Variants in LPP observed in about 807,000 individuals in gnomAD.
LPP encodes the protein LIM domain containing preferred translocation partner in lipoma, also known as lipoma-preferred partner.
A neutral mutation model predicts 60.4 loss-of-function variants in LPP; 38 were observed. That is an observed-to-expected ratio of 0.63 (90% CI 0.49 to 0.83). The LOEUF is 0.83. LPP is among the 40% of genes least tolerant of loss of function. The pLI is 0.00. For synonymous variants in LPP, 328 were observed against 290.8 expected, an observed-to-expected ratio of 1.13 and a Z score of -1.30; for missense variants, 902 against 783.6, an observed-to-expected ratio of 1.15 and a Z score of -1.80.
chr3:188,886,737 TACACAC>T lies in LPP; in HGVS notation c.*12281_*12286del, dbSNP rs755287902. ...TCTTCAAAACACACACACACACACA[TACACAC>T]ACACACACACACACACACACACCCC... On this transcript the variant is annotated 3_prime_UTR_variant, in exon 12 of 12. Transcript: ENST00000617246. The T allele has an allele frequency of 2.0e-4, 38 of 190,376 alleles. No individual in the cohort carries two copies. The highest frequency in any genetic ancestry group is 2.8e-4 in the African/African-American group (10 of 35,610). The allele number at this position is 190,376 out of a possible 1,614,324, so 11.8% of individuals were successfully genotyped here. A position where few individuals can be genotyped will look rare whatever the true frequency, so the allele number is the denominator to read the frequency against.
chr3:188,621,689 C>T (rs1054329861), intron 7 of LPP, among the ~76,000 whole-genome samples: 3 of 151,972 alleles, frequency 2.0e-5, no homozygotes, highest in Admixed American at 6.5e-5. Context: ...GAGATGGGGT[C>T]TCATTCTGTC....
chr3:188,498,163 C>T (rs1382022825), intron 5 of LPP, among the ~76,000 whole-genome samples: 3 of 150,682 alleles, frequency 2.0e-5, no homozygotes, highest in African/African-American at 7.3e-5. Flanking sequence ...CTTTTTTTTC[C>T]CCCCCAGCTT....
Position 188,433,147 on chromosome 3 carries a change from A to G in LPP, c.193+26834A>G, listed in dbSNP as rs550293857. Among the ~76,000 whole-genome samples, 54 of 152,320 alleles carry G rather than the reference A, an allele frequency of 3.5e-4. 2 individuals carry two copies. The South Asian group carries it at 0.011, about 30-fold the overall frequency. ...GTTTACCTCTAAAATGAAAAGAAAT[A>G]TATATTAAGAATAAGGAGGTGGCGT... is the stretch of plus-strand genomic sequence containing the variant. On this transcript the variant is annotated intron_variant, in intron 4 of 11. Coordinates refer to ENST00000617246, the MANE Select transcript of LPP (RefSeq NM_001375462.1).
At chr3:188,306,868 A>G (rs1391497181) in intron 2 of LPP, among the ~76,000 whole-genome samples, 2 of 152,242 alleles carry the variant, frequency 1.3e-5, no homozygotes, top group Non-Finnish European at 2.9e-5. Context: ...CTCATGGAAG[A>G]AGAAAAATGC....
chr3:188,801,457 GTTTA>G (rs1198328384), intron 9 of LPP, among the ~76,000 whole-genome samples: 1 of 152,082 alleles, frequency 6.6e-6, no homozygotes, highest in Non-Finnish European at 1.5e-5. Context: ...TTATTTTGGT[GTTTA>G]TTTATTTATT....
At chr3:188,351,563 G>C (rs1185890089) in intron 3 of LPP, among the ~76,000 whole-genome samples, 1 of 152,208 alleles carries the variant, frequency 6.6e-6, no homozygotes, top group African/African-American at 2.4e-5. Flanking sequence ...TTGTATGTCT[G>C]TTATGTGACA....
chr3:188,587,071 C>T (rs1837658328), intron 6 of LPP, among the ~76,000 whole-genome samples: 1 of 980 alleles, frequency 1.0e-3, no homozygotes, highest in African/African-American at 1.3e-3. Flanking sequence ...TGGCCGGGCG[C>T]GGTGGCTCAC....
At chr3:188,718,046 C>T (rs1336753684) in intron 8 of LPP, among the ~76,000 whole-genome samples, 1 of 152,158 alleles carries the variant, frequency 6.6e-6, no homozygotes, top group South Asian at 2.1e-4. Context: ...ATCTCGAACT[C>T]CCGACCTCAG....
chr3:188,345,443 TCAGTGAATTA>T (rs1764079399), intron 3 of LPP, among the ~76,000 whole-genome samples: 1 of 152,098 alleles, frequency 6.6e-6, no homozygotes, highest in African/African-American at 2.4e-5. Context: ...CTTTTCTGAA[TCAGTGAATTA>T]TAGGAATCTG....
chr3:188,455,109 G>A (rs1797435964), intron 4 of LPP, among the ~76,000 whole-genome samples: 1 of 152,138 alleles, frequency 6.6e-6, no homozygotes, highest in Non-Finnish European at 1.5e-5. Context: ...GGGCCAATTA[G>A]AGTGGGAGAT....
At chr3:188,482,531 C>A (rs1024466948) in intron 4 of LPP, among the ~76,000 whole-genome samples, 1 of 152,128 alleles carries the variant, frequency 6.6e-6, no homozygotes, top group Non-Finnish European at 1.5e-5. Context: ...AGGTTCGAAT[C>A]CCTTAGGTTT....
chr3:188,529,992 G>T (rs1250709227), intron 6 of LPP, among the ~76,000 whole-genome samples: 1 of 152,216 alleles, frequency 6.6e-6, no homozygotes, highest in Non-Finnish European at 1.5e-5. Context: ...AGAGCAGGCA[G>T]TATTTGAGCT....
intron 1 of LPP, among the ~76,000 whole-genome samples, chr3:188,196,280 A>C (rs752124273): frequency 1.3e-5 from 2 of 152,164 alleles, no homozygotes; most frequent in African/African-American, 4.8e-5. Flanking sequence ...ACACTCCTAC[A>C]TGCCTTTTGG....
chr3:188,670,747 T>C (rs1177911091), intron 7 of LPP, among the ~76,000 whole-genome samples: 2 of 152,190 alleles, frequency 1.3e-5, no homozygotes, highest in African/African-American at 2.4e-5. Context: ...TATTTCTGGA[T>C]ACAACCTCCT....
intron 2 of LPP, among the ~76,000 whole-genome samples, chr3:188,259,574 A>G (rs1732856596): frequency 1.3e-5 from 2 of 152,352 alleles, no homozygotes; most frequent in African/African-American, 2.4e-5. Context: ...ATGCATGTAT[A>G]TAATTTCTCC....
At position 188,631,925 on chromosome 3, in the gene LPP, A is replaced by T. The variant is rs1033406330; in HGVS notation, c.1113+22081A>T. On this transcript the variant is annotated intron_variant, in intron 7 of 11. Transcript: ENST00000617246. ...ATCTCAAAGGTCACATGTTGATTCTAACATTTCCCTACATGAGCGTACACA... is the reference window on the plus strand; with the variant it reads ...ATCTCAAAGGTCACATGTTGATTCTTACATTTCCCTACATGAGCGTACACA... Among the ~76,000 whole-genome samples the T allele has an allele frequency of 2.6e-5, 4 of 152,154 alleles. No homozygotes were observed. In the South Asian group the frequency reaches 6.2e-4, roughly 24 times the overall value.
intron 3 of LPP, among the ~76,000 whole-genome samples, chr3:188,370,753 C>T (rs754984770): frequency 3.3e-5 from 5 of 152,010 alleles, no homozygotes; most frequent in African/African-American, 7.3e-5. Context: ...TTGAGGAGGT[C>T]GCTGTGGCAT....
chr3:188,684,746 A>G (rs60409903), intron 7 of LPP, among the ~76,000 whole-genome samples: 1 of 151,620 alleles, frequency 6.6e-6, no homozygotes, highest in African/African-American at 2.4e-5. Context: ...AAAAAAAAAA[A>G]AACAAAATTT....
chr3:188,609,469 A>G lies in LPP; in HGVS notation c.738A>G (p.Ser246=). The part of the protein sequence containing the change: ...AAPSSGQIYG[S]GPQGYNTQPV... ...CTTCATCAGGACAAATTTATGGCTCAGGGCCCCAGGGCTATAACACTCAGC... is the reference window on the plus strand; with the variant it reads ...CTTCATCAGGACAAATTTATGGCTCGGGGCCCCAGGGCTATAACACTCAGC... The change falls in exon 7 of 12, where the codon TCA becomes TCG. Residue 246 remains serine, a synonymous_variant. Coordinates refer to ENST00000617246, the MANE Select transcript of LPP (RefSeq NM_001375462.1). The surrounding 1 kb of genome is among the most constrained non-coding windows in gnomAD (Gnocchi z 6.9). 2 of 1,614,150 alleles carry G rather than the reference A, an allele frequency of 1.2e-6. No individual in the cohort carries two copies. The highest frequency in any genetic ancestry group is 1.7e-6 in the Non-Finnish European group (2 of 1,180,026).
Sources: allele counts gnomAD v4.1 joint callset (sites outside exome capture counted in the v4.1 genomes callset), GRCh38; gene constraint gnomAD v4.1.1; non-coding constraint Gnocchi (gnomAD v3.1); transcripts MANE v1.5; gene names NCBI Gene and HGNC (gene_info 2026-07-23, HGNC 2026-07-21).